Variants in IQSEC1 observed in about 807,000 individuals in gnomAD.
IQSEC1 encodes the protein IQ motif and Sec7 domain ArfGEF 1.
A neutral mutation model predicts 91.0 loss-of-function variants in IQSEC1; 31 were observed. The ratio of observed to expected loss-of-function variants is 0.34; its 90% CI spans 0.26 to 0.46. The LOEUF (loss-of-function observed/expected upper bound fraction) is 0.46. IQSEC1 is among the 20% of genes least tolerant of loss of function. The pLI is 1.00. For missense variants in IQSEC1, 1,388 were observed against 1,575.6 expected (o/e 0.88, Z 2.02); for synonymous variants, 699 against 662.6 (o/e 1.05, Z -0.84).
chr3:12,911,483 C>T lies in IQSEC1; in HGVS notation c.2416+146G>A, dbSNP rs1043213679. On this transcript the variant is annotated intron_variant, in intron 10 of 13. Transcript: ENST00000613206. Reference sequence around the variant, plus strand: ...TTGAGGGTCTGTGCCTACAGCTCACCGGAGCTCCTAGCTGCAATCTGCTCT... The same window carrying T: ...TTGAGGGTCTGTGCCTACAGCTCACTGGAGCTCCTAGCTGCAATCTGCTCT... 5.2e-5 allele frequency: 34 copies of T among 658,342 alleles called. No homozygotes were observed. The East Asian group carries it at 5.6e-4, about 11-fold the overall frequency. 40.8% of individuals were successfully genotyped at this position (658,342 alleles called of 1,614,324 possible). A position where few individuals can be genotyped will look rare whatever the true frequency, so the allele number is the denominator to read the frequency against.
At chr3:12,995,599 A>G (rs1236483639) in intron 1 of IQSEC1, among the ~76,000 whole-genome samples, 1 of 152,238 alleles carries the variant, frequency 6.6e-6, no homozygotes, top group Non-Finnish European at 1.5e-5. Flanking sequence ...GCGAAGCTGT[A>G]GCGTCTAAGC....
rs745487079 is a variant in IQSEC1 at position 12,902,775 on chromosome 3, C to T, written c.2803G>A (p.Glu935Lys). The T allele has an allele frequency of 1.2e-6, 2 of 1,601,544 alleles. No homozygotes were observed. Among genetic ancestry groups the T allele is most frequent in the Non-Finnish European group, 1.7e-6 (2 of 1,172,194 alleles). Reference protein sequence around the residue: ...SSAGSLESNVEGSIISSPHMR... With the variant: ...SSAGSLESNVKGSIISSPHMR... ...GGACAGAGGCGCTTCCTACTTACTT[C>T]CACATTGCTCTCTAGCGATCCCGCA... Residue 935 changes from glutamate to lysine, a missense_variant and splice_region_variant, in exon 13 of 14, where the codon GAA (glutamate) becomes AAA (lysine). Physicochemically the swap from Glu to Lys is moderately conservative, Grantham distance 56 (BLOSUM62 1). Around this residue, in one of 2 missense-constraint regions of IQSEC1, gnomAD observed 329 missense variants for 257.8 expected, o/e 1.28. Coordinates refer to ENST00000613206, the MANE Select transcript of IQSEC1 (RefSeq NM_001134382.3).
At chr3:13,037,994 G>T (rs983943734) in intron 1 of IQSEC1, among the ~76,000 whole-genome samples, 2 of 151,790 alleles carry the variant, frequency 1.3e-5, no homozygotes, top group East Asian at 3.9e-4. Context: ...TAAGATGGTG[G>T]ATTTTAATTC....
At chr3:12,957,549 G>GAT (rs1268970388) in intron 1 of IQSEC1, among the ~76,000 whole-genome samples, 1 of 152,254 alleles carries the variant, frequency 6.6e-6, no homozygotes, top group Non-Finnish European at 1.5e-5. Flanking sequence ...CCAGCAGAGA[G>GAT]AGCTAGGCTG....
chr3:13,018,940 T>G (rs1342377067), intron 1 of IQSEC1, among the ~76,000 whole-genome samples: 3 of 152,242 alleles, frequency 2.0e-5, no homozygotes, highest in Non-Finnish European at 2.9e-5. Flanking sequence ...TTCATCACGT[T>G]ATCCCCCTAA....
chr3:13,128,446 T>A (rs1368288170), intron 2 of IQSEC1, among the ~76,000 whole-genome samples: 1 of 152,234 alleles, frequency 6.6e-6, no homozygotes, highest in East Asian at 1.9e-4. Flanking sequence ...TTTAGCCTGC[T>A]GAGAAAGTGG....
intron 7 of IQSEC1, 83 bp downstream of exon 7, chr3:12,915,511 G>T (rs1695995934): frequency 4.1e-6 from 6 of 1,460,394 alleles, no homozygotes; most frequent in Non-Finnish European, 4.7e-6. Context: ...CACGGAGTGG[G>T]GTGGGTGGGA....
At chr3:13,015,673 G>A (rs73014517) in intron 1 of IQSEC1, 204,500 of 984,984 alleles carry the variant, frequency 0.21, 21,950 homozygotes, top group Non-Finnish European at 0.22. Flanking sequence ...CATCCCCACA[G>A]CAGGTCCTGA....
intron 1 of IQSEC1, among the ~76,000 whole-genome samples, chr3:13,247,243 G>A (rs55983502): frequency 0.092 from 14,007 of 152,192 alleles, 906 homozygotes; most frequent in African/African-American, 0.18. Context: ...GACTGGCTTT[G>A]GACAGGTCCC....
chr3:12,923,587 G>T (rs1006432935), intron 4 of IQSEC1, among the ~76,000 whole-genome samples: 1 of 152,220 alleles, frequency 6.6e-6, no homozygotes, highest in African/African-American at 2.4e-5. Context: ...ATGTGAGTCT[G>T]CGTGTGTGGG....
chr3:12,905,929 C>T (rs1038041853), intron 12 of IQSEC1, among the ~76,000 whole-genome samples: 6 of 152,218 alleles, frequency 3.9e-5, no homozygotes, highest in African/African-American at 7.2e-5. Flanking sequence ...ACTCTTGTGC[C>T]GCTGGAATGA....
intron 1 of IQSEC1, among the ~76,000 whole-genome samples, chr3:13,241,837 G>A (rs1176245824): frequency 1.3e-5 from 2 of 152,248 alleles, no homozygotes; most frequent in Admixed American, 1.3e-4. Context: ...GAGCCTCTGA[G>A]GCCGTAGGAA....
At chr3:13,087,656 G>T (rs375448756) in intron 2 of IQSEC1, among the ~76,000 whole-genome samples, 1 of 152,208 alleles carries the variant, frequency 6.6e-6, no homozygotes, top group African/African-American at 2.4e-5. Context: ...CGGAAAACCA[G>T]GATCACTTGC....
At chr3:13,280,059 T>C (rs1302640039) in intron 1 of IQSEC1, among the ~76,000 whole-genome samples, 4 of 152,210 alleles carry the variant, frequency 2.6e-5, no homozygotes, top group Non-Finnish European at 4.4e-5. Flanking sequence ...CCATCTTTGC[T>C]TAATTCTCAA....
At chr3:13,164,716 C>G (rs1016730535) in intron 1 of IQSEC1, among the ~76,000 whole-genome samples, 1 of 152,232 alleles carries the variant, frequency 6.6e-6, no homozygotes, top group Non-Finnish European at 1.5e-5. Flanking sequence ...AAGACTGTGA[C>G]TACGCGGTAT....
At chr3:12,928,463 C>T (rs55712617) in intron 3 of IQSEC1, among the ~76,000 whole-genome samples, 3 of 152,142 alleles carry the variant, frequency 2.0e-5, no homozygotes, top group Admixed American at 1.3e-4. Flanking sequence ...CAGCCAGGGC[C>T]GGCTCCAGGG....
chr3:13,047,733 C>T (rs1486170195), intron 1 of IQSEC1, among the ~76,000 whole-genome samples: 4 of 152,296 alleles, frequency 2.6e-5, no homozygotes, highest in Non-Finnish European at 2.9e-5. Flanking sequence ...CTTGTCTCTA[C>T]CCCATGGCAA....
At position 12,911,639 on chromosome 3, in the gene IQSEC1, G is replaced by C. The variant is rs146668270; in HGVS notation, c.2406C>G (p.Phe802Leu). Residue 802 changes from phenylalanine to leucine, a missense_variant, in exon 10 of 14, where the codon TTC becomes TTG. Coordinates refer to ENST00000613206, the MANE Select transcript of IQSEC1 (RefSeq NM_001134382.3). Reference protein sequence around the residue: ...FSLYGMQVLLFENQYYPNGIR... With the variant: ...FSLYGMQVLLLENQYYPNGIR... ...TGGGGGCAGACTTACACTGGTTCTC[G>C]AAGAGCAGGACCTGCATGCCGTACA... 1 of 1,612,540 alleles carries C rather than the reference G, an allele frequency of 6.2e-7. No individual in the cohort carries two copies. Among genetic ancestry groups the C allele is most frequent in the Non-Finnish European group, 8.5e-7 (1 of 1,178,812 alleles).
At chr3:13,187,059 C>G (rs1178207275) in intron 1 of IQSEC1, among the ~76,000 whole-genome samples, 3 of 152,050 alleles carry the variant, frequency 2.0e-5, no homozygotes, top group Admixed American at 2.0e-4. Context: ...TTCCTCCTTT[C>G]TATCCCTCTT....
Sources: gnomAD v4.1 joint callset for allele counts (sites outside exome capture counted in the v4.1 genomes callset) on GRCh38, gnomAD v4.1.1 for gene constraint, gnomAD v4.1.1 regional missense constraint, MANE v1.5 for transcripts, NCBI Gene and HGNC (gene_info 2026-07-23, HGNC 2026-07-21) for gene names.